ASIC2: variants seen among roughly 807,000 people sequenced by gnomAD.
ASIC2 encodes acid sensing ion channel subunit 2.
A neutral mutation model predicts 57.3 loss-of-function variants in ASIC2; 25 were observed. That is an observed-to-expected ratio of 0.44 (90% CI 0.32 to 0.61). The LOEUF is 0.61. Among genes scored for constraint, ASIC2 ranks in the 20% least tolerant of loss-of-function variants. The probability of loss-of-function intolerance (pLI) is 0.06; values close to 1 mark genes in which losing one functional copy is unlikely to be tolerated. For synonymous variants in ASIC2, 319 were observed against 307.5 expected (o/e 1.04, Z -0.39); for missense variants, 641 against 738.1 (o/e 0.87, Z 1.52).
intron 1 of ASIC2, among the ~76,000 whole-genome samples, chr17:33,260,926 C>T (rs1909256552): frequency 6.6e-6 from 1 of 152,244 alleles, no homozygotes; most frequent in Admixed American, 6.5e-5. Context: ...CAGGTGATTG[C>T]TCTTCGATAG....
At chr17:33,385,394 T>C (rs1202733771) in intron 1 of ASIC2, among the ~76,000 whole-genome samples, 1 of 152,150 alleles carries the variant, frequency 6.6e-6, no homozygotes, top group Non-Finnish European at 1.5e-5. Flanking sequence ...CCACTGTTCC[T>C]GCATCCCACC....
Position 33,215,318 on chromosome 17 carries a change from G to C in ASIC2, c.708+76090C>G, listed in dbSNP as rs550075721. Among the ~76,000 whole-genome samples, 9 of 152,294 alleles carry C rather than the reference G, an allele frequency of 5.9e-5. No homozygotes were observed. In the South Asian group the frequency reaches 1.9e-3, roughly 32 times the overall value. On this transcript the variant is annotated intron_variant, in intron 1 of 9. Coordinates refer to ENST00000225823, the MANE Select transcript of ASIC2 (RefSeq NM_183377.2). ...AAAAATGTTCCTGTTCAGTAATTAT[G>C]CTTTTGGGAATCTATCCTAAAGAGT...
chr17:33,690,278 G>C (rs1437769638), intron 1 of ASIC2, among the ~76,000 whole-genome samples: 1 of 152,166 alleles, frequency 6.6e-6, no homozygotes, highest in Non-Finnish European at 1.5e-5. Flanking sequence ...TCTGCAAAGT[G>C]GGCAGGACTC....
chr17:33,291,618 G>T lies in ASIC2; in HGVS notation c.498C>A (p.Thr166=). 6.2e-7 allele frequency: 1 copy of T among 1,608,418 alleles called. No individual in the cohort carries two copies. Among genetic ancestry groups the T allele is most frequent in the South Asian group, 1.1e-5 (1 of 90,794 alleles). The change falls in exon 1 of 10, where the codon ACC becomes ACA. Residue 166 remains threonine (T), a synonymous_variant. Coordinates refer to ENST00000225823, the MANE Select transcript of ASIC2 (RefSeq NM_183377.2). ...HWLGLLLPNR[T]ARPLVSELLR... ...GCAGCTCGCTGACAAGCGGGCGCGC[G>T]GTGCGGTTGGGCAGCAGCAGCCCGA... is the stretch of plus-strand genomic sequence containing the variant.
rs141701323 is a variant in ASIC2 at position 33,231,172 on chromosome 17, G to T, written c.708+60236C>A. Among the ~76,000 whole-genome samples, 202 of 152,294 alleles carry T rather than the reference G, an allele frequency of 1.3e-3. 1 individual carries two copies. The highest frequency in any genetic ancestry group is 4.6e-3 in the African/African-American group (193 of 41,564). On this transcript the variant is annotated intron_variant, in intron 1 of 9. Coordinates refer to ENST00000225823, the MANE Select transcript of ASIC2 (RefSeq NM_183377.2). ...GTGCTAACTATGCTGCCCAGCATGA[G>T]GGGAGAGGTGTGGCACCAGGCACGT...
At chr17:33,786,902 AG>A (rs1911616076) in intron 1 of ASIC2, among the ~76,000 whole-genome samples, 1 of 152,246 alleles carries the variant, frequency 6.6e-6, no homozygotes, top group Admixed American at 6.5e-5. Context: ...ACATCATCAA[AG>A]GTGGGCTAAT....
At chr17:33,367,481 G>C in intron 1 of ASIC2, among the ~76,000 whole-genome samples, 1 of 152,160 alleles carries the variant, frequency 6.6e-6, no homozygotes, top group East Asian at 1.9e-4. Flanking sequence ...CCACAGCTAA[G>C]ACAAGCTCCC....
chr17:33,836,435 G>A (rs1214484823), intron 1 of ASIC2, among the ~76,000 whole-genome samples: 4 of 152,096 alleles, frequency 2.6e-5, no homozygotes, highest in Non-Finnish European at 5.9e-5. Flanking sequence ...ACCTGCCTCA[G>A]CCTCCCAAAG....
At chr17:33,853,475 T>C (rs1913830369) in intron 1 of ASIC2, among the ~76,000 whole-genome samples, 1 of 152,186 alleles carries the variant, frequency 6.6e-6, no homozygotes, top group South Asian at 2.1e-4. Flanking sequence ...AAGAAATCTA[T>C]ATCCCCATCT....
chr17:34,132,741 G>A (rs977191892), intron 1 of ASIC2, among the ~76,000 whole-genome samples: 4 of 152,176 alleles, frequency 2.6e-5, no homozygotes, highest in Non-Finnish European at 5.9e-5. Context: ...CTGCAAAATA[G>A]GAATAACAAC....
intron 1 of ASIC2, among the ~76,000 whole-genome samples, chr17:33,677,447 G>T (rs1049829939): frequency 6.6e-6 from 1 of 152,154 alleles, no homozygotes; most frequent in African/African-American, 2.4e-5. Flanking sequence ...ATTTTATAAA[G>T]CTATAGCTGC....
intron 1 of ASIC2, among the ~76,000 whole-genome samples, chr17:34,080,543 G>A (rs1414372867): frequency 1.3e-5 from 2 of 152,156 alleles, no homozygotes; most frequent in Non-Finnish European, 2.9e-5. Context: ...TGAATGTGAG[G>A]CCCCATGTTG....
chr17:33,424,098 A>G (rs1232116306), intron 1 of ASIC2, among the ~76,000 whole-genome samples: 2 of 152,144 alleles, frequency 1.3e-5, no homozygotes, highest in African/African-American at 4.8e-5. Context: ...CTTCTTCCAC[A>G]GAGACTCTGA....
At chr17:33,435,134 G>T (rs1433085992) in intron 1 of ASIC2, among the ~76,000 whole-genome samples, 2 of 152,144 alleles carry the variant, frequency 1.3e-5, no homozygotes, top group African/African-American at 4.8e-5. Flanking sequence ...AGAAGTATCA[G>T]TATGAATACA....
At chr17:34,101,897 T>C (rs1288802208) in intron 1 of ASIC2, among the ~76,000 whole-genome samples, 1 of 152,244 alleles carries the variant, frequency 6.6e-6, no homozygotes, top group Non-Finnish European at 1.5e-5. Flanking sequence ...CAGCCATTCT[T>C]GATTTACCTA....
At chr17:33,787,896 C>T (rs528039365) in intron 1 of ASIC2, among the ~76,000 whole-genome samples, 10 of 152,086 alleles carry the variant, frequency 6.6e-5, no homozygotes, top group Non-Finnish European at 1.3e-4. Flanking sequence ...ATGCTATTCT[C>T]CTGATAGTGA....
intron 3 of ASIC2, among the ~76,000 whole-genome samples, chr17:33,038,962 C>T (rs541494982): frequency 4.4e-4 from 67 of 152,194 alleles, no homozygotes; most frequent in Non-Finnish European, 7.8e-4. Flanking sequence ...TGGGCCCTTC[C>T]CTCCTTTGTG....
chr17:33,367,539 G>A (rs898364610), intron 1 of ASIC2, among the ~76,000 whole-genome samples: 2 of 152,196 alleles, frequency 1.3e-5, no homozygotes, highest in Non-Finnish European at 2.9e-5. Flanking sequence ...GCTGCCCAGA[G>A]TCTGCCTCCC....
At chr17:34,022,288 A>T (rs1907195243) in intron 1 of ASIC2, among the ~76,000 whole-genome samples, 1 of 152,224 alleles carries the variant, frequency 6.6e-6, no homozygotes, top group African/African-American at 2.4e-5. Flanking sequence ...GTCCAAGTTC[A>T]CCCAAAACAT....
Sources: allele counts gnomAD v4.1 joint callset (sites outside exome capture counted in the v4.1 genomes callset), GRCh38; gene constraint gnomAD v4.1.1; transcripts MANE v1.5; gene names NCBI Gene and HGNC (gene_info 2026-07-23, HGNC 2026-07-21).